PCDH15: variants seen among roughly 807,000 people sequenced by gnomAD.
The protein encoded by PCDH15 is protocadherin related 15, also known as protocadherin-15.
PCDH15 carries 129 observed loss-of-function variants against 178.5 expected under a neutral mutation model. The ratio of observed to expected loss-of-function variants is 0.72; its 90% confidence interval spans 0.63 to 0.84. The LOEUF is 0.84. Among genes scored for constraint, PCDH15 ranks in the 40% least tolerant of loss-of-function variants. PCDH15 has a pLI of 0.00. For synonymous variants in PCDH15, 800 were observed against 732.0 expected (o/e 1.09, Z -1.50); for missense variants, 2,230 against 2,099.9 (o/e 1.06, Z -1.21).
At chr10:53,808,273 A>C (rs1030238793) in intron 37 of PCDH15, 7 of 339,772 alleles carry the variant, frequency 2.1e-5, no homozygotes, top group Non-Finnish European at 2.9e-5. Flanking sequence ...AATTTGTTGA[A>C]GCTTGTCTTA....
chr10:54,684,473 T>C (rs1239965142), intron 1 of PCDH15, among the ~76,000 whole-genome samples: 1 of 152,068 alleles, frequency 6.6e-6, no homozygotes, highest in Non-Finnish European at 1.5e-5. Context: ...ATATGTGGCA[T>C]TTAGTCAAAT....
At chr10:54,095,042 G>T (rs2094675420) in intron 15 of PCDH15, among the ~76,000 whole-genome samples, 1 of 152,176 alleles carries the variant, frequency 6.6e-6, no homozygotes, top group Non-Finnish European at 1.5e-5. Context: ...TGCATTTTAT[G>T]TGCAAGGAAT....
At position 53,806,499 on chromosome 10, in the gene PCDH15, TGTTTTCTCA is replaced by T; in HGVS notation, c.*71_*79del. ...TGTGCATGATATAAATTCCATACAT[TGTTTTCTCA>T]GTGACAATAAAAAGCACAGTTTATT... On this transcript the variant is annotated 3_prime_UTR_variant, in exon 38 of 38. Coordinates refer to ENST00000644397, the MANE Select transcript of PCDH15 (RefSeq NM_001384140.1). 3 of 1,208,142 alleles carry T rather than the reference TGTTTTCTCA, an allele frequency of 2.5e-6. No homozygotes were observed. In the African/African-American group the frequency reaches 4.6e-5, roughly 19 times the overall value. 74.8% of individuals were successfully genotyped at this position (1,208,142 alleles called of 1,614,324 possible). A position where few individuals can be genotyped will look rare whatever the true frequency, so the allele number is the denominator to read the frequency against.
intron 28 of PCDH15, 55 bp from the exon 29 acceptor site, chr10:53,840,551 A>G (rs894092106): frequency 6.7e-7 from 1 of 1,487,882 alleles, no homozygotes; most frequent in African/African-American, 1.4e-5. Context: ...CTGGGAGTAA[A>G]AAATTACTCT....
At chr10:54,691,764 GTT>G (rs1490327130) in intron 1 of PCDH15, among the ~76,000 whole-genome samples, 1 of 152,060 alleles carries the variant, frequency 6.6e-6, no homozygotes, top group Admixed American at 6.6e-5. Context: ...TATAGAAACA[GTT>G]TGACAGCTTT....
intron 2 of PCDH15, among the ~76,000 whole-genome samples, chr10:54,955,856 T>A (rs142644439): frequency 1.3e-5 from 2 of 151,398 alleles, no homozygotes; most frequent in Non-Finnish European, 3.0e-5. Flanking sequence ...CAAGCAAATT[T>A]CTTAAATAGA....
At chr10:53,860,132 T>TA (rs1354504552) in intron 27 of PCDH15, among the ~76,000 whole-genome samples, 3 of 152,190 alleles carry the variant, frequency 2.0e-5, no homozygotes, top group Admixed American at 6.5e-5. Flanking sequence ...CTAGACCTGA[T>TA]AAAAAGAACA....
intron 1 of PCDH15, among the ~76,000 whole-genome samples, chr10:54,742,845 C>T (rs1252413640): frequency 6.6e-6 from 1 of 151,962 alleles, no homozygotes; most frequent in African/African-American, 2.4e-5. Flanking sequence ...CAGTAGGAAA[C>T]CACTATGGAA....
intron 37 of PCDH15, among the ~76,000 whole-genome samples, 154 bp from the exon 38 acceptor site, chr10:53,807,284 A>G (rs1161995715): frequency 6.6e-6 from 1 of 152,322 alleles, no homozygotes; most frequent in Admixed American, 6.5e-5. Flanking sequence ...TTATTAACAT[A>G]CATTTCCTTT....
At chr10:54,025,742 C>A (rs2093064843) in intron 18 of PCDH15, among the ~76,000 whole-genome samples, 1 of 152,106 alleles carries the variant, frequency 6.6e-6, no homozygotes, top group Non-Finnish European at 1.5e-5. Flanking sequence ...TGTGATCCAC[C>A]CGCCTCGGCC....
At chr10:55,144,910 A>C (rs1838462323) in intron 2 of PCDH15, among the ~76,000 whole-genome samples, 1 of 151,978 alleles carries the variant, frequency 6.6e-6, no homozygotes, top group Admixed American at 6.6e-5. Flanking sequence ...TTTTTTTCCA[A>C]GGAATATATC....
At chr10:54,618,839 G>A (rs2093267811) in intron 2 of PCDH15, among the ~76,000 whole-genome samples, 1 of 151,806 alleles carries the variant, frequency 6.6e-6, no homozygotes, top group African/African-American at 2.4e-5. Flanking sequence ...CAAAATATAT[G>A]AAGACACACA....
At position 55,343,540 on chromosome 10, in the gene PCDH15, T is replaced by C. The variant is rs574374164; in HGVS notation, c.-155-176889A>G. On this transcript the variant is annotated intron_variant, in intron 2 of 5. Coordinates refer to the PCDH15 transcript ENST00000613346. ...CTTATTTATATCATAATCTTCCTTTTCCCCCCCAATATAACTGGCAAGATT... is the reference window on the plus strand; with the variant it reads ...CTTATTTATATCATAATCTTCCTTTCCCCCCCCAATATAACTGGCAAGATT... Among the ~76,000 whole-genome samples the C allele has an allele frequency of 1.1e-4, 16 of 151,442 alleles. No individual in the cohort carries two copies. The East Asian group carries it at 2.3e-3, about 22-fold the overall frequency.
intron 3 of PCDH15, among the ~76,000 whole-genome samples, chr10:54,844,660 G>A (rs916384256): frequency 1.3e-5 from 2 of 151,774 alleles, no homozygotes; most frequent in Admixed American, 6.6e-5. Flanking sequence ...TCAGAAATAT[G>A]TATCCACATG....
At chr10:54,943,143 C>G (rs1165262037) in intron 2 of PCDH15, among the ~76,000 whole-genome samples, 1 of 151,956 alleles carries the variant, frequency 6.6e-6, no homozygotes, top group African/African-American at 2.4e-5. Context: ...AAACACTGAT[C>G]TCCTTGGGCT....
chr10:54,718,523 A>G (rs915261358), intron 1 of PCDH15, among the ~76,000 whole-genome samples: 1 of 152,008 alleles, frequency 6.6e-6, no homozygotes, highest in African/African-American at 2.4e-5. Flanking sequence ...CCTACAAATC[A>G]TACATTATAG....
intron 2 of PCDH15, among the ~76,000 whole-genome samples, chr10:55,556,345 C>G (rs573775870): frequency 6.6e-6 from 1 of 152,164 alleles, no homozygotes; most frequent in South Asian, 2.1e-4. Flanking sequence ...GAATGGAACT[C>G]CTGGGATATC....
intron 35 of PCDH15, among the ~76,000 whole-genome samples, chr10:53,815,222 A>C (rs2076019448): frequency 6.6e-6 from 1 of 152,208 alleles, no homozygotes. Context: ...CATAGAATTA[A>C]CTTAATATTT....
chr10:55,294,695 C>T (rs1835901222), intron 1 of PCDH15, among the ~76,000 whole-genome samples: 1 of 152,116 alleles, frequency 6.6e-6, no homozygotes, highest in Non-Finnish European at 1.5e-5. Context: ...TCATCATTCC[C>T]AATAAGCCTA....
Sources: allele counts gnomAD v4.1 joint callset (sites outside exome capture counted in the v4.1 genomes callset), GRCh38; gene constraint gnomAD v4.1.1; transcripts MANE v1.5; gene names NCBI Gene and HGNC (gene_info 2026-07-23, HGNC 2026-07-21).